Variants in GTF2F2 observed in about 807,000 individuals in gnomAD.
GTF2F2 encodes ATP-dependent helicase GTF2F2.
Under a neutral mutation model 42.2 loss-of-function variants are expected in GTF2F2, and 23 were observed. The observed-to-expected ratio is 0.55, with a 90% CI of 0.39 to 0.77. GTF2F2 has a LOEUF of 0.77. GTF2F2 is among the 30% of genes least tolerant of loss of function. The pLI, the probability that GTF2F2 is intolerant of heterozygous loss-of-function variation, is 0.00. For missense variants in GTF2F2, 261 were observed against 287.2 expected, an observed-to-expected ratio of 0.91 and a Z score of 0.66; for synonymous variants, 105 against 100.8, an observed-to-expected ratio of 1.04 and a Z score of -0.25.
chr13:45,132,520 G>A (rs1036846626), intron 1 of GTF2F2, among the ~76,000 whole-genome samples: 2 of 151,724 alleles, frequency 1.3e-5, no homozygotes, highest in Admixed American at 6.6e-5. Context: ...CACTGAGAAA[G>A]CAATGAGAGA....
chr13:45,179,139 C>T (rs907616238), intron 4 of GTF2F2, among the ~76,000 whole-genome samples: 10 of 152,158 alleles, frequency 6.6e-5, no homozygotes, highest in African/African-American at 2.4e-4. Flanking sequence ...CACAGCAAGT[C>T]ACAGGACCTG....
intron 4 of GTF2F2, chr13:45,194,402 C>A: frequency 1.9e-6 from 3 of 1,614,170 alleles, no homozygotes; most frequent in Non-Finnish European, 2.5e-6. Context: ...AGGAAAGTGT[C>A]TGGGTACTTG....
At position 45,195,679 on chromosome 13, in the gene GTF2F2, G is replaced by A. The variant is rs565907614; in HGVS notation, c.305-11745G>A. ...TTTCCCCTATAACTTCCCTTCCAAA[G>A]CAATTTAGGGTTCTGAGGTTTCACT... On this transcript the variant is annotated intron_variant, in intron 4 of 7. Transcript: ENST00000340473. Among the ~76,000 whole-genome samples the A allele has an allele frequency of 2.3e-3, 343 of 152,162 alleles. 3 individuals carry two copies. The highest frequency in any genetic ancestry group is 0.022 in the South Asian group (105 of 4,824).
At chr13:45,125,392 T>G (rs1868935879) in intron 1 of GTF2F2, among the ~76,000 whole-genome samples, 1 of 152,132 alleles carries the variant, frequency 6.6e-6, no homozygotes, top group African/African-American at 2.4e-5. Flanking sequence ...CAATCTTGGC[T>G]CACTGCAACC....
At chr13:45,182,446 C>G (rs943762292) in intron 4 of GTF2F2, among the ~76,000 whole-genome samples, 5 of 152,088 alleles carry the variant, frequency 3.3e-5, no homozygotes, top group African/African-American at 1.2e-4. Flanking sequence ...TCTAAAATAG[C>G]GTTCAAGATG....
chr13:45,279,582 T>C (rs1877173958), intron 7 of GTF2F2, among the ~76,000 whole-genome samples: 1 of 152,206 alleles, frequency 6.6e-6, no homozygotes, highest in African/African-American at 2.4e-5. Flanking sequence ...ATAAGTACAC[T>C]GAGTCTCTGT....
Position 45,207,489 on chromosome 13 carries a change from T to G in GTF2F2, c.370T>G (p.Tyr124Asp). 6.2e-7 allele frequency: 1 copy of G among 1,606,238 alleles called. No individual in the cohort carries two copies. The highest frequency in any genetic ancestry group is 2.2e-5 in the East Asian group (1 of 44,806). The change falls in exon 5 of 8, where the codon TAC becomes GAC. Residue 124 changes from tyrosine to aspartate, a missense_variant. Physicochemically the swap from Tyr to Asp is radical, Grantham distance 160. Transcript: ENST00000340473. Reference protein sequence around the residue: ...AECRPAASENYMRLKRLQIEE... With the variant: ...AECRPAASENDMRLKRLQIEE... ...ATGCCGACCAGCTGCCAGTGAAAAC[T>G]ACATGCGATTAAAAAGGTTGGTGTT...
At chr13:45,279,246 A>T (rs1171861488) in intron 7 of GTF2F2, among the ~76,000 whole-genome samples, 1 of 152,210 alleles carries the variant, frequency 6.6e-6, no homozygotes, top group Non-Finnish European at 1.5e-5. Flanking sequence ...TGTTTGAGTG[A>T]ATATATGAAT....
chr13:45,173,849 C>T (rs565109812), intron 4 of GTF2F2, among the ~76,000 whole-genome samples: 1 of 152,082 alleles, frequency 6.6e-6, no homozygotes, highest in African/African-American at 2.4e-5. Flanking sequence ...GATCTCCTGA[C>T]CTCGTGATCC....
intron 4 of GTF2F2, chr13:45,194,727 C>T (rs1016029864): frequency 3.1e-5 from 20 of 648,994 alleles, no homozygotes; most frequent in Middle Eastern, 4.2e-4. Flanking sequence ...CAGTAGGTGG[C>T]GTATCAGCCT....
chr13:45,204,538 A>T (rs1020205844), intron 4 of GTF2F2, among the ~76,000 whole-genome samples: 3 of 152,256 alleles, frequency 2.0e-5, no homozygotes, highest in Non-Finnish European at 4.4e-5. Flanking sequence ...GCTTTTAAAT[A>T]CTTTTAAAAT....
At chr13:45,225,518 T>C (rs1245455620) in intron 5 of GTF2F2, among the ~76,000 whole-genome samples, 1 of 150,564 alleles carries the variant, frequency 6.6e-6, no homozygotes, top group Non-Finnish European at 1.5e-5. Flanking sequence ...ACTCAGAGGC[T>C]GAGGCAGGAG....
intron 1 of GTF2F2, among the ~76,000 whole-genome samples, chr13:45,125,129 C>T (rs2048940558): frequency 1.3e-5 from 2 of 152,110 alleles, no homozygotes; most frequent in East Asian, 1.9e-4. Context: ...TCTTGTGTAG[C>T]GAGTATTTTG....
At chr13:45,125,686 TTA>T (rs1030355359) in intron 1 of GTF2F2, among the ~76,000 whole-genome samples, 1 of 152,198 alleles carries the variant, frequency 6.6e-6, no homozygotes, top group African/African-American at 2.4e-5. Context: ...GACTTCATTT[TTA>T]TGTCTTTGGT....
intron 4 of GTF2F2, among the ~76,000 whole-genome samples, chr13:45,170,711 T>C (rs1871553644): frequency 6.6e-6 from 1 of 152,166 alleles, no homozygotes. Flanking sequence ...GGGGCTGCAG[T>C]CAGAGAAAGG....
chr13:45,163,379 A>T (rs1171273446), intron 4 of GTF2F2, among the ~76,000 whole-genome samples: 1 of 151,838 alleles, frequency 6.6e-6, no homozygotes, highest in Non-Finnish European at 1.5e-5. Flanking sequence ...TACTAAAAAT[A>T]AAAAAAATTA....
At chr13:45,120,778 A>G (rs1418060214) in intron 1 of GTF2F2, 57 bp downstream of exon 1, 59 of 1,288,800 alleles carry the variant, frequency 4.6e-5, no homozygotes, top group Non-Finnish European at 6.2e-5. Context: ...AGTTTAAGTA[A>G]CTTGAGCCTA....
intron 2 of GTF2F2, among the ~76,000 whole-genome samples, chr13:45,143,804 A>G (rs1489522061): frequency 6.6e-6 from 1 of 152,236 alleles, no homozygotes; most frequent in East Asian, 1.9e-4. Context: ...AGGAGAGTCC[A>G]GTTGTGAATA....
At chr13:45,228,119 C>G (rs768479832) in intron 5 of GTF2F2, among the ~76,000 whole-genome samples, 1 of 150,738 alleles carries the variant, frequency 6.6e-6, no homozygotes, top group Non-Finnish European at 1.5e-5. Flanking sequence ...CTCCAGAAAC[C>G]TCTTGAGATC....
Sources: gnomAD v4.1 joint callset for allele counts (sites outside exome capture counted in the v4.1 genomes callset) on GRCh38, gnomAD v4.1.1 for gene constraint, MANE v1.5 for transcripts, NCBI Gene and HGNC (gene_info 2026-07-23, HGNC 2026-07-21) for gene names.